The following TASP1 variants were observed in gnomAD, a reference collection of about 807,000 sequenced individuals.
The protein encoded by TASP1 is taspase 1.
In TASP1, 16 loss-of-function variants were observed where a neutral mutation model predicts 56.6. The observed-to-expected ratio is 0.28, with a 90% CI of 0.19 to 0.43. TASP1 has a LOEUF of 0.43. TASP1 is among the 20% of genes least tolerant of loss of function. TASP1 has a pLI of 1.00. For missense variants in TASP1, 393 were observed against 511.6 expected, an observed-to-expected ratio of 0.77 and a Z score of 2.24; for synonymous variants, 179 against 184.2, an observed-to-expected ratio of 0.97 and a Z score of 0.23.
chr20:13,340,722 C>T, the TASP1 span, among the ~76,000 whole-genome samples: 14 of 152,132 alleles, frequency 9.2e-5, no homozygotes, highest in South Asian at 4.2e-4. Context: ...TAAATTATTG[C>T]GAAGTCTTTT....
chr20:13,305,362 G>A, the TASP1 span, among the ~76,000 whole-genome samples: 1 of 152,288 alleles, frequency 6.6e-6, no homozygotes, highest in Non-Finnish European at 1.5e-5. Context: ...CACACTTGGA[G>A]TGGGACTGCT....
intron 13 of TASP1, among the ~76,000 whole-genome samples, chr20:13,407,989 CA>C (rs60768421): frequency 6.6e-6 from 1 of 152,084 alleles, no homozygotes; most frequent in Non-Finnish European, 1.5e-5. Context: ...ACATGATTTG[CA>C]AATATTTTTT....
the TASP1 span, among the ~76,000 whole-genome samples, chr20:13,355,154 A>T: frequency 5.9e-5 from 9 of 152,228 alleles, no homozygotes; most frequent in Non-Finnish European, 8.8e-5. Context: ...GGATAAATCC[A>T]GAAAGAATAT....
chr20:13,410,077 G>T (rs6033695), intron 13 of TASP1, among the ~76,000 whole-genome samples: 15,852 of 152,176 alleles, frequency 0.1, 1,645 homozygotes, highest in African/African-American at 0.27. Flanking sequence ...ACATGCTAAA[G>T]TTGTCTTTCT....
At chr20:13,137,811 T>C in the TASP1 span, among the ~76,000 whole-genome samples, 7 of 152,224 alleles carry the variant, frequency 4.6e-5, no homozygotes, top group Non-Finnish European at 1.0e-4. Context: ...ACTTGCAGAC[T>C]GGGCAACAGC....
the TASP1 span, among the ~76,000 whole-genome samples, chr20:13,239,898 C>A: frequency 3.3e-5 from 5 of 152,218 alleles, no homozygotes; most frequent in Admixed American, 1.3e-4. Context: ...TCCCCCATTT[C>A]TGAACATCTG....
the TASP1 span, among the ~76,000 whole-genome samples, chr20:13,330,991 T>C: frequency 6.6e-6 from 1 of 152,186 alleles, no homozygotes; most frequent in Non-Finnish European, 1.5e-5. Context: ...TTTTGTTTGT[T>C]TGTTTTCAAC....
intron 10 of TASP1, among the ~76,000 whole-genome samples, chr20:13,488,264 G>A (rs2146545688): frequency 6.6e-6 from 1 of 151,882 alleles, no homozygotes; most frequent in Admixed American, 6.5e-5. Context: ...TTGAAGCTCT[G>A]GACCAAAGGC....
intron 7 of TASP1, among the ~76,000 whole-genome samples, chr20:13,564,272 T>C (rs910458225): frequency 1.3e-5 from 2 of 151,912 alleles, no homozygotes; most frequent in East Asian, 1.9e-4. Flanking sequence ...CAAAAATCAG[T>C]TGCATTTCTA....
intron 8 of TASP1, among the ~76,000 whole-genome samples, chr20:13,542,253 A>G (rs1487227286): frequency 6.6e-6 from 1 of 152,136 alleles, no homozygotes; most frequent in Non-Finnish European, 1.5e-5. Flanking sequence ...ATCACACAAA[A>G]TAAGTGTTAA....
At chr20:13,495,941 A>G in intron 10 of TASP1, among the ~76,000 whole-genome samples, 1 of 152,140 alleles carries the variant, frequency 6.6e-6, no homozygotes, top group East Asian at 1.9e-4. Flanking sequence ...CAATACATAG[A>G]TTCCATAGGG....
chr20:13,409,472 A>G (rs1047834711), intron 13 of TASP1, among the ~76,000 whole-genome samples: 1 of 152,150 alleles, frequency 6.6e-6, no homozygotes, highest in East Asian at 1.9e-4. Context: ...CACATTTTCA[A>G]TATGAAATGT....
At chr20:13,360,957 G>A in the TASP1 span, among the ~76,000 whole-genome samples, 2 of 152,024 alleles carry the variant, frequency 1.3e-5, no homozygotes, top group African/African-American at 2.4e-5. Context: ...AGGCCTAATC[G>A]CCACACACCA....
intron 4 of TASP1, among the ~76,000 whole-genome samples, chr20:13,615,469 G>A (rs1343356473): frequency 1.3e-5 from 2 of 151,116 alleles, no homozygotes; most frequent in African/African-American, 2.4e-5. Context: ...AGAGAGAGAG[G>A]AGAGCAAGAT....
intron 6 of TASP1, among the ~76,000 whole-genome samples, chr20:13,577,912 G>A (rs886226729): frequency 6.6e-6 from 1 of 152,066 alleles, no homozygotes; most frequent in Non-Finnish European, 1.5e-5. Context: ...AGTTTATTTA[G>A]CCATTGATGG....
At chr20:13,322,392 T>A in the TASP1 span, among the ~76,000 whole-genome samples, 18 of 152,310 alleles carry the variant, frequency 1.2e-4, 1 homozygote, top group African/African-American at 4.3e-4. Context: ...AGCCACTGAC[T>A]GTATTTCTCT....
the TASP1 span, among the ~76,000 whole-genome samples, chr20:13,130,677 C>A: frequency 1.3e-5 from 2 of 152,192 alleles, no homozygotes; most frequent in Admixed American, 1.3e-4. Context: ...GCACCAAGAC[C>A]CTTTTAATCT....
At chr20:13,226,308 A>G in the TASP1 span, among the ~76,000 whole-genome samples, 2 of 152,192 alleles carry the variant, frequency 1.3e-5, no homozygotes, top group Non-Finnish European at 2.9e-5. Flanking sequence ...TAGAAGCAAA[A>G]GCATAATTTA....
chr20:13,130,084 A>T, the TASP1 span, among the ~76,000 whole-genome samples: 46 of 152,366 alleles, frequency 3.0e-4, 1 homozygote, highest in Middle Eastern at 3.4e-3. Context: ...ATTATCAGCC[A>T]AGTTTCAGGT....
Sources: gnomAD v4.1 joint callset for allele counts (sites outside exome capture counted in the v4.1 genomes callset) on GRCh38, gnomAD v4.1.1 for gene constraint, MANE v1.5 for transcripts, NCBI Gene and HGNC (gene_info 2026-07-23, HGNC 2026-07-21) for gene names.